ACOT12: variants seen among roughly 807,000 people sequenced by gnomAD.
ACOT12 encodes the protein acyl-CoA thioesterase 12.
Under a neutral mutation model 67.7 loss-of-function variants are expected in ACOT12, and 51 were observed. The observed-to-expected ratio is 0.75, with a 90% CI of 0.60 to 0.95. ACOT12 has a LOEUF of 0.95. Ranked by LOEUF, ACOT12 falls within the 40% of genes least tolerant of loss-of-function variation. The pLI, the probability that ACOT12 is intolerant of heterozygous loss-of-function variation, is 0.00. For missense variants in ACOT12, 734 were observed against 708.1 expected (o/e 1.04, Z -0.41); for synonymous variants, 251 against 244.6 (o/e 1.03, Z -0.24).
chr5:81,322,348 G>A, the ACOT12 span, among the ~76,000 whole-genome samples: 1 of 151,942 alleles, frequency 6.6e-6, no homozygotes, highest in Non-Finnish European at 1.5e-5. Context: ...AGGAAATGGT[G>A]TATAATGTCT....
the ACOT12 span, among the ~76,000 whole-genome samples, chr5:81,317,427 G>C: frequency 6.6e-6 from 1 of 151,866 alleles, no homozygotes; most frequent in Admixed American, 6.6e-5. Flanking sequence ...ACTGGAACCC[G>C]GGAAGTGGAG....
intron 11 of ACOT12, among the ~76,000 whole-genome samples, chr5:81,337,290 C>T (rs773971362): frequency 6.6e-6 from 1 of 152,192 alleles, no homozygotes; most frequent in Non-Finnish European, 1.5e-5. Context: ...TCCTAATCTG[C>T]CCTTGGGGCA....
chr5:81,371,599 A>C, intron 3 of ACOT12, 151 bp downstream of exon 3: 15 of 722,004 alleles, frequency 2.1e-5, no homozygotes, highest in Non-Finnish European at 3.4e-5. Flanking sequence ...GCTGCTTATT[A>C]TTTACCTGTG....
downstream of ACOT12, among the ~76,000 whole-genome samples, chr5:81,325,186 A>G (rs1245636643): frequency 6.6e-6 from 1 of 152,158 alleles, no homozygotes; most frequent in Non-Finnish European, 1.5e-5. Flanking sequence ...CATGGATGGG[A>G]ATAGGAAAAG....
At chr5:81,364,515 C>T (rs1311538614) in intron 3 of ACOT12, among the ~76,000 whole-genome samples, 5 of 152,020 alleles carry the variant, frequency 3.3e-5, no homozygotes, top group Non-Finnish European at 7.4e-5. Context: ...GCAACCTCCA[C>T]CTCCCGGGTT....
intron 11 of ACOT12, 65 bp downstream of exon 11, chr5:81,342,604 AACC>A (rs779258530): frequency 2.5e-5 from 38 of 1,495,644 alleles, no homozygotes; most frequent in Non-Finnish European, 3.2e-5. Context: ...GAAGCAGTAG[AACC>A]ACCACCACCA....
intron 3 of ACOT12, among the ~76,000 whole-genome samples, chr5:81,364,613 C>T (rs1760019279): frequency 6.6e-6 from 1 of 151,902 alleles, no homozygotes; most frequent in East Asian, 1.9e-4. Flanking sequence ...ATTTTTAGTA[C>T]AGACAAGATT....
At chr5:81,311,375 T>C in the ACOT12 span, 2 of 1,263,032 alleles carry the variant, frequency 1.6e-6, no homozygotes, top group Non-Finnish European at 2.3e-6. Flanking sequence ...GGGATACTAA[T>C]GATTTTAAGA....
chr5:81,322,594 G>A, the ACOT12 span, among the ~76,000 whole-genome samples: 1 of 152,132 alleles, frequency 6.6e-6, no homozygotes, highest in Non-Finnish European at 1.5e-5. Context: ...TAGATTTTGA[G>A]GATAGACCAA....
At chr5:81,329,102 A>G (rs1758742660), downstream of ACOT12, among the ~76,000 whole-genome samples, 1 of 152,150 alleles carries the variant, frequency 6.6e-6, no homozygotes, top group Admixed American at 6.5e-5. Context: ...TGATCCAGCT[A>G]TCATCACTCT....
chr5:81,391,731 A>G (rs1417785257), intron 1 of ACOT12, among the ~76,000 whole-genome samples: 1 of 152,258 alleles, frequency 6.6e-6, no homozygotes, highest in East Asian at 1.9e-4. Context: ...TGCATGAAAC[A>G]TGATGATAGC....
At chr5:81,324,594 G>C in the ACOT12 span, among the ~76,000 whole-genome samples, 1 of 152,214 alleles carries the variant, frequency 6.6e-6, no homozygotes, top group Non-Finnish European at 1.5e-5. Flanking sequence ...AATAGATATA[G>C]AGGAGAAGAG....
chr5:81,324,142 T>A, the ACOT12 span, among the ~76,000 whole-genome samples: 1 of 152,044 alleles, frequency 6.6e-6, no homozygotes, highest in Non-Finnish European at 1.5e-5. Flanking sequence ...GGTTTCACCA[T>A]GTTGGCCAGG....
chr5:81,347,258 T>C (rs928316851), intron 6 of ACOT12, among the ~76,000 whole-genome samples: 2 of 152,104 alleles, frequency 1.3e-5, no homozygotes, highest in African/African-American at 2.4e-5. Context: ...GCCAGGACTA[T>C]AGGTGCACAC....
chr5:81,360,045 A>G lies in ACOT12; in HGVS notation c.361-7T>C. 1 of 1,592,984 alleles carries G rather than the reference A, an allele frequency of 6.3e-7. No individual in the cohort carries two copies. Among genetic ancestry groups the G allele is most frequent in the Non-Finnish European group, 8.5e-7 (1 of 1,175,120 alleles). On this transcript the variant is annotated splice_region_variant and splice_polypyrimidine_tract_variant and intron_variant, in intron 4 of 14. Coordinates refer to ENST00000307624, the MANE Select transcript of ACOT12 (RefSeq NM_130767.3). ...TGACTGGTTTTAAATGAATCTAGAG[A>G]AAGAAAAGCATTTATCTTTTATTGC...
the ACOT12 span, among the ~76,000 whole-genome samples, chr5:81,323,909 C>CATATATGTAT: frequency 2.7e-5 from 4 of 146,456 alleles, no homozygotes; most frequent in Non-Finnish European, 3.0e-5. Flanking sequence ...TATATATACA[C>CATATATGTAT]GTATATATAC....
At chr5:81,366,244 G>A (rs1760073735) in intron 3 of ACOT12, among the ~76,000 whole-genome samples, 1 of 152,156 alleles carries the variant, frequency 6.6e-6, no homozygotes, top group African/African-American at 2.4e-5. Context: ...GGAAAAGTCT[G>A]ACACTCTTTT....
At chr5:81,324,284 G>A in the ACOT12 span, among the ~76,000 whole-genome samples, 30 of 152,090 alleles carry the variant, frequency 2.0e-4, no homozygotes, top group Non-Finnish European at 4.4e-5. Flanking sequence ...TAGCGTTTTG[G>A]ATTAGGGCTT....
chr5:81,314,963 A>C, the ACOT12 span, among the ~76,000 whole-genome samples: 3 of 152,170 alleles, frequency 2.0e-5, no homozygotes, highest in Non-Finnish European at 4.4e-5. Context: ...AATAGGCATG[A>C]GCCACTACAC....
Sources: gnomAD v4.1 joint callset for allele counts (sites outside exome capture counted in the v4.1 genomes callset) on GRCh38, gnomAD v4.1.1 for gene constraint, MANE v1.5 for transcripts, NCBI Gene and HGNC (gene_info 2026-07-23, HGNC 2026-07-21) for gene names.